The following RASGRP3 variants were observed in gnomAD, a reference collection of about 807,000 sequenced individuals.
RASGRP3 encodes the protein ras guanyl-releasing protein 3.
Under a neutral mutation model 82.7 loss-of-function variants are expected in RASGRP3, and 54 were observed. The observed-to-expected ratio is 0.65, with a 90% CI of 0.52 to 0.82. RASGRP3 has a LOEUF of 0.82. Among genes scored for constraint, RASGRP3 ranks in the 40% least tolerant of loss-of-function variants. The pLI, the probability that RASGRP3 is intolerant of heterozygous loss-of-function variation, is 0.00. For missense variants in RASGRP3, 861 were observed against 828.9 expected, an observed-to-expected ratio of 1.04 and a Z score of -0.48; for synonymous variants, 309 against 300.5, an observed-to-expected ratio of 1.03 and a Z score of -0.29.
At chr2:33,472,099 T>C (rs1667090044), upstream of RASGRP3, among the ~76,000 whole-genome samples, 1 of 152,226 alleles carries the variant, frequency 6.6e-6, no homozygotes, top group Non-Finnish European at 1.5e-5. Context: ...TTTTTCTTAA[T>C]GGGCTAGACA....
At chr2:33,524,160 C>T (rs1348024913) in intron 8 of RASGRP3, 108 bp downstream of exon 8, 25 of 1,264,538 alleles carry the variant, frequency 2.0e-5, no homozygotes, top group Non-Finnish European at 1.1e-6. Context: ...CATCGGACAA[C>T]TAAACTACTC....
At chr2:33,556,955 T>C (rs1199784246) in intron 15 of RASGRP3, among the ~76,000 whole-genome samples, 1 of 145,772 alleles carries the variant, frequency 6.9e-6, no homozygotes, top group Admixed American at 6.9e-5. Context: ...GAAAATCTAT[T>C]ACACCTTTGG....
intron 13 of RASGRP3, among the ~76,000 whole-genome samples, chr2:33,548,383 A>G (rs889876334): frequency 1.2e-4 from 17 of 141,926 alleles, no homozygotes; most frequent in African/African-American, 4.9e-4. Context: ...AAAAAAAAAA[A>G]GAAGGTAGAA....
chr2:33,469,978 T>A (rs1666959441), intron 2 of RASGRP3, among the ~76,000 whole-genome samples: 1 of 152,202 alleles, frequency 6.6e-6, no homozygotes, highest in Admixed American at 6.5e-5. Flanking sequence ...TTGGCTCTGT[T>A]CCATTGCTCT....
intron 1 of RASGRP3, among the ~76,000 whole-genome samples, chr2:33,493,653 A>G (rs1669054244): frequency 6.6e-6 from 1 of 151,694 alleles, no homozygotes; most frequent in Non-Finnish European, 1.5e-5. Context: ...CACCCATCTC[A>G]CAGACATCCA....
At chr2:33,537,981 C>T (rs1673822790) in intron 11 of RASGRP3, among the ~76,000 whole-genome samples, 1 of 152,208 alleles carries the variant, frequency 6.6e-6, no homozygotes, top group Middle Eastern at 3.2e-3. Context: ...GCGTATTGAG[C>T]AAGGTGCAGA....
intron 7 of RASGRP3, 96 bp downstream of exon 7, chr2:33,522,198 T>C: frequency 7.2e-7 from 1 of 1,379,536 alleles, no homozygotes; most frequent in Non-Finnish European, 9.9e-7. Flanking sequence ...TGGCAGCTTC[T>C]ATCACTGTGC....
chr2:33,540,556 T>TGTGTGTG lies in RASGRP3; in HGVS notation c.1278+1346_1278+1347insGTGTGTG, dbSNP rs1558506275. On this transcript the variant is annotated intron_variant, in intron 12 of 17. Coordinates refer to ENST00000403687, the MANE Select transcript of RASGRP3 (RefSeq NM_001139488.2). Reference sequence around the variant, plus strand: ...CTCTCTCTCTCTCTGTGTGTGTGTTTTGTGTGTGTGTGTGTGTGTGTGTGT... The same window carrying TGTGTGTG: ...CTCTCTCTCTCTCTGTGTGTGTGTTTGTGTGTGTGTGTGTGTGTGTGTGTGTGTGTGT... Among the ~76,000 whole-genome samples the TGTGTGTG allele has an allele frequency of 1.7e-3, 67 of 38,648 alleles. 4 individuals carry two copies. Among genetic ancestry groups the TGTGTGTG allele is most frequent in the East Asian group, 2.9e-3 (5 of 1,714 alleles). The allele number at this position is 38,648 out of a possible 152,430, so 25.4% of individuals were successfully genotyped here. A position where few individuals can be genotyped will look rare whatever the true frequency, so the allele number is the denominator to read the frequency against.
At chr2:33,556,568 C>T (rs1026517859) in intron 15 of RASGRP3, among the ~76,000 whole-genome samples, 1 of 152,080 alleles carries the variant, frequency 6.6e-6, no homozygotes, top group Admixed American at 6.6e-5. Flanking sequence ...TCTTATAAAG[C>T]TTTTGAAAAA....
At chr2:33,485,038 A>G (rs888567814) in intron 1 of RASGRP3, among the ~76,000 whole-genome samples, 1 of 152,160 alleles carries the variant, frequency 6.6e-6, no homozygotes, top group Non-Finnish European at 1.5e-5. Context: ...GTCTCTACTA[A>G]AAATACAAAA....
intron 17 of RASGRP3, 52 bp downstream of exon 17, chr2:33,559,082 G>A (rs1676354840): frequency 4.2e-6 from 6 of 1,435,382 alleles, no homozygotes; most frequent in Non-Finnish European, 5.6e-6. Flanking sequence ...GGCTGAAAGT[G>A]CTGAGATGAG....
At chr2:33,455,002 C>G (rs145850688) in intron 2 of RASGRP3, among the ~76,000 whole-genome samples, 73 of 152,160 alleles carry the variant, frequency 4.8e-4, no homozygotes, top group African/African-American at 1.7e-3. Flanking sequence ...GTTACATGCT[C>G]ATCTGGGCCA....
At chr2:33,534,231 A>C (rs1191095025) in intron 10 of RASGRP3, 92 bp from the exon 11 acceptor site, 8 of 823,998 alleles carry the variant, frequency 9.7e-6, no homozygotes, top group African/African-American at 1.7e-5. Context: ...TAGACAGTGA[A>C]CTTAAAACAT....
At chr2:33,436,878 T>C (rs1664952077) in intron 1 of RASGRP3, among the ~76,000 whole-genome samples, 2 of 152,198 alleles carry the variant, frequency 1.3e-5, no homozygotes, top group South Asian at 2.1e-4. Flanking sequence ...TCATTGATGA[T>C]CACCTTTAAA....
intron 2 of RASGRP3, among the ~76,000 whole-genome samples, chr2:33,468,252 T>C (rs1445543331): frequency 6.6e-6 from 1 of 152,080 alleles, no homozygotes; most frequent in African/African-American, 2.4e-5. Context: ...CCAGAAATAA[T>C]CACTATTAAA....
chr2:33,550,693 C>A (rs2151095324), intron 14 of RASGRP3, among the ~76,000 whole-genome samples: 1 of 152,296 alleles, frequency 6.6e-6, no homozygotes, highest in Admixed American at 6.5e-5. Context: ...CTTTATTTGG[C>A]AGCCATGTCC....
Position 33,553,208 on chromosome 2 carries a change from A to G in RASGRP3, c.1543-2323A>G, listed in dbSNP as rs1675545377. Among the ~76,000 whole-genome samples, 3 of 152,154 alleles carry G rather than the reference A, an allele frequency of 2.0e-5. No individual in the cohort carries two copies. The South Asian group carries it at 6.2e-4, about 32-fold the overall frequency. Reference sequence around the variant, plus strand: ...CCACCTCAGTGCCTTTGCTCACACAACAGTATGCAGGGGCAATGGCTTCCT... The same window carrying G: ...CCACCTCAGTGCCTTTGCTCACACAGCAGTATGCAGGGGCAATGGCTTCCT... On this transcript the variant is annotated intron_variant, in intron 14 of 17. Transcript: ENST00000403687.
At chr2:33,505,179 A>ACCACCC in intron 1 of RASGRP3, among the ~76,000 whole-genome samples, 1 of 151,644 alleles carries the variant, frequency 6.6e-6, no homozygotes, top group African/African-American at 2.4e-5. Context: ...CACCACCACC[A>ACCACCC]TTATTATCAG....
chr2:33,464,597 C>T (rs187200629), intron 2 of RASGRP3, among the ~76,000 whole-genome samples: 2 of 151,972 alleles, frequency 1.3e-5, no homozygotes, highest in Admixed American at 6.5e-5. Flanking sequence ...CTTAGCTACC[C>T]GAATAGCTGG....
Sources: allele counts gnomAD v4.1 joint callset (sites outside exome capture counted in the v4.1 genomes callset), GRCh38; gene constraint gnomAD v4.1.1; transcripts MANE v1.5; gene names NCBI Gene and HGNC (gene_info 2026-07-23, HGNC 2026-07-21).